The following LIPI variants were observed in gnomAD, a reference collection of about 807,000 sequenced individuals.
LIPI encodes lipase I.
LIPI carries 59 observed loss-of-function variants against 50.6 expected under a neutral mutation model. That is an observed-to-expected ratio of 1.16 (90% CI 0.94 to 1.45). The LOEUF (loss-of-function observed/expected upper bound fraction) is 1.45. Ranked by LOEUF, LIPI falls within the 40% of genes most tolerant of loss-of-function variation. The pLI is 0.00. For synonymous variants in LIPI, 203 were observed against 178.2 expected, an observed-to-expected ratio of 1.14 and a Z score of -1.11; for missense variants, 586 against 536.3, an observed-to-expected ratio of 1.09 and a Z score of -0.92.
At chr21:14,176,167 C>T (rs891622074) in intron 4 of LIPI, among the ~76,000 whole-genome samples, 17 of 121,324 alleles carry the variant, frequency 1.4e-4, no homozygotes, top group Non-Finnish European at 2.0e-4. Flanking sequence ...GACAGTGAGA[C>T]TCCGTCTCAA....
At chr21:14,176,278 T>G (rs370637295) in intron 4 of LIPI, among the ~76,000 whole-genome samples, 3 of 152,130 alleles carry the variant, frequency 2.0e-5, no homozygotes, top group East Asian at 3.8e-4. Context: ...TTAAATCATC[T>G]GCAATTCATA....
At chr21:14,129,725 T>C (rs1045861365) in intron 9 of LIPI, among the ~76,000 whole-genome samples, 1 of 151,010 alleles carries the variant, frequency 6.6e-6, no homozygotes, top group African/African-American at 2.4e-5. Context: ...TATTCCTTAA[T>C]ATGATAGGTA....
At chr21:14,123,353 T>A (rs1313763876) in intron 9 of LIPI, among the ~76,000 whole-genome samples, 9 of 152,164 alleles carry the variant, frequency 5.9e-5, no homozygotes, top group Admixed American at 5.9e-4. Context: ...TCAGTTGTGG[T>A]ATCAACTAGA....
At chr21:14,120,033 C>T (rs1453119928) in intron 9 of LIPI, among the ~76,000 whole-genome samples, 3 of 152,124 alleles carry the variant, frequency 2.0e-5, no homozygotes, top group Non-Finnish European at 4.4e-5. Context: ...CTGTGAATAC[C>T]CTAAATCCAG....
chr21:14,138,620 G>C lies in LIPI; in HGVS notation c.1295+6003C>G, dbSNP rs570825272. ...ATACTTATATATTTATTATATATTT[G>C]GAAAAAATTGTCCCTAGCCATCATT... On this transcript the variant is annotated intron_variant, in intron 9 of 9. Transcript: ENST00000681601. 5.3e-5 allele frequency among the ~76,000 whole-genome samples: 8 copies of C among 151,900 alleles called. No individual in the cohort carries two copies. The South Asian group carries it at 1.7e-3, about 32-fold the overall frequency.
At chr21:14,110,385 T>G (rs1451641237) in intron 9 of LIPI, among the ~76,000 whole-genome samples, 1 of 151,922 alleles carries the variant, frequency 6.6e-6, no homozygotes, top group Admixed American at 6.6e-5. Context: ...TTCTATGTAT[T>G]CATTATGTAC....
intron 9 of LIPI, among the ~76,000 whole-genome samples, chr21:14,129,984 A>G (rs1463136612): frequency 6.6e-6 from 1 of 152,174 alleles, no homozygotes; most frequent in Non-Finnish European, 1.5e-5. Flanking sequence ...CCTGGACAGC[A>G]TCATTTGAGG....
At chr21:14,151,450 C>A (rs6516634) in intron 8 of LIPI, among the ~76,000 whole-genome samples, 1 of 152,004 alleles carries the variant, frequency 6.6e-6, no homozygotes, top group Non-Finnish European at 1.5e-5. Context: ...GTTGGAAATA[C>A]CAACCATGCT....
chr21:14,135,880 C>T (rs779218177), intron 9 of LIPI, among the ~76,000 whole-genome samples: 1 of 151,980 alleles, frequency 6.6e-6, no homozygotes, highest in Non-Finnish European at 1.5e-5. Flanking sequence ...CTGCACAACT[C>T]GTGGCTCCAA....
chr21:14,187,520 T>C (rs2019497627), intron 2 of LIPI, among the ~76,000 whole-genome samples: 1 of 152,206 alleles, frequency 6.6e-6, no homozygotes. Flanking sequence ...AAAGGCACTG[T>C]TAGAATTTTA....
intron 9 of LIPI, among the ~76,000 whole-genome samples, chr21:14,141,263 A>G (rs1317776271): frequency 6.6e-6 from 1 of 152,012 alleles, no homozygotes; most frequent in Non-Finnish European, 1.5e-5. Context: ...ATTTCACCCT[A>G]AGACCCTATT....
intron 9 of LIPI, among the ~76,000 whole-genome samples, chr21:14,126,344 A>G (rs2017064597): frequency 6.6e-6 from 1 of 152,210 alleles, no homozygotes; most frequent in Non-Finnish European, 1.5e-5. Context: ...TGGCATATCT[A>G]TACAATAGAA....
chr21:14,189,406 T>C lies in LIPI; in HGVS notation c.60A>G (p.Pro20=). The change falls in exon 2 of 10, where the codon CCA becomes CCG. Residue 20 remains proline (P), a synonymous_variant. Coordinates refer to ENST00000681601, the MANE Select transcript of LIPI (RefSeq NM_001302998.2). ...MCWVRSDNKR[P]CLEFSQLSVK... ...CACTTAGCTGAGAGAATTCAAGGCA[T>C]GGTCTTTTATTATCTGAAATAAGAA... 17 of 1,612,726 alleles carry C rather than the reference T, an allele frequency of 1.1e-5. No homozygotes were observed. Among genetic ancestry groups the C allele is most frequent in the Non-Finnish European group, 1.4e-5 (17 of 1,178,906 alleles).
intron 6 of LIPI, among the ~76,000 whole-genome samples, chr21:14,164,678 AT>A (rs1390123337): frequency 3.3e-5 from 5 of 152,130 alleles, no homozygotes; most frequent in African/African-American, 9.6e-5. Context: ...TTTTATGTGG[AT>A]TTTTTTCTCT....
chr21:14,205,772 C>T (rs1490641652), intron 1 of LIPI, among the ~76,000 whole-genome samples: 2 of 151,642 alleles, frequency 1.3e-5, no homozygotes, highest in African/African-American at 4.8e-5. Context: ...ATAAAAATTG[C>T]CAAAATGAAT....
Position 14,162,788 on chromosome 21 carries a change from T to A in LIPI, c.1006+631A>T, listed in dbSNP as rs190508506. Among the ~76,000 whole-genome samples, 14 of 152,006 alleles carry A rather than the reference T, an allele frequency of 9.2e-5. No homozygotes were observed. In the East Asian group the frequency reaches 1.5e-3, roughly 17 times the overall value. On this transcript the variant is annotated intron_variant, in intron 7 of 9. Coordinates refer to ENST00000681601, the MANE Select transcript of LIPI (RefSeq NM_001302998.2). ...TATGAGAATCTATTTTAAGTACTTA[T>A]CTCTCAGTAATCAAAATTAATGACA...
chr21:14,198,206 A>G, intron 1 of LIPI, among the ~76,000 whole-genome samples: 1 of 152,162 alleles, frequency 6.6e-6, no homozygotes, highest in East Asian at 1.9e-4. Context: ...AAGCAACCAC[A>G]TAAGCAAGTC....
chr21:14,146,271 A>C (rs990754754), intron 8 of LIPI, among the ~76,000 whole-genome samples: 19 of 151,774 alleles, frequency 1.3e-4, no homozygotes, highest in African/African-American at 4.6e-4. Flanking sequence ...CATCTTCTCC[A>C]ACACTTTCTC....
intron 1 of LIPI, among the ~76,000 whole-genome samples, chr21:14,192,329 G>C (rs1438903506): frequency 6.6e-6 from 1 of 152,108 alleles, no homozygotes; most frequent in Non-Finnish European, 1.5e-5. Flanking sequence ...GCTGGGTGTG[G>C]TTGTGGGCGC....
Sources: gnomAD v4.1 joint callset for allele counts (sites outside exome capture counted in the v4.1 genomes callset) on GRCh38, gnomAD v4.1.1 for gene constraint, MANE v1.5 for transcripts, NCBI Gene and HGNC (gene_info 2026-07-23, HGNC 2026-07-21) for gene names.